ENG: variants seen among roughly 807,000 people sequenced by gnomAD.
The protein encoded by ENG is endoglin.
Under a neutral mutation model 71.0 loss-of-function variants are expected in ENG, and 17 were observed. The observed-to-expected ratio is 0.24, with a 90% CI of 0.16 to 0.36. The LOEUF (loss-of-function observed/expected upper bound fraction) is 0.36, where lower values mean the gene tolerates loss of function less well. Among genes scored for constraint, ENG ranks in the 10% least tolerant of loss-of-function variants. The pLI, the probability that ENG is intolerant of heterozygous loss-of-function variation, is 1.00. For synonymous variants in ENG, 360 were observed against 366.9 expected (o/e 0.98, Z 0.21); for missense variants, 749 against 868.3 (o/e 0.86, Z 1.73).
intron 1 of ENG, among the ~76,000 whole-genome samples, chr9:127,850,641 T>C (rs1456618310): frequency 6.6e-6 from 1 of 152,144 alleles, no homozygotes; most frequent in African/African-American, 2.4e-5. Flanking sequence ...CTGACCCTTC[T>C]CCAGCAAGTC....
In ENG at chr9:127,846,829, C is replaced by T; in HGVS notation, c.68-3584G>A. 4 of 982,202 alleles carry T rather than the reference C, an allele frequency of 4.1e-6. No homozygotes were observed. The highest frequency in any genetic ancestry group is 4.8e-6 in the Non-Finnish European group (4 of 826,966). 60.8% of individuals were successfully genotyped at this position (982,202 alleles called of 1,614,324 possible). The stretch of plus-strand genomic sequence containing the variant: ...GAGGAGCCGCTGGGGGCCTGGGTGA[C>T]TGGAACCCCAAGTGAGAGACCCAGA... On this transcript the variant is annotated intron_variant, in intron 1 of 14. Transcript: ENST00000373203. This position sits in a 1 kb window ranked among gnomAD's most constrained non-coding sequence, Gnocchi z 5.5.
chr9:127,815,416 C>T lies in ENG; in HGVS notation c.*266G>A, dbSNP rs764451017. ...ATGACAGGGACTTGGGTTTTTACAA[C>T]AGCGTGGCAAGTGGTCTGTCTCCTG... On this transcript the variant is annotated 3_prime_UTR_variant, in exon 15 of 15. Coordinates refer to ENST00000373203, the MANE Select transcript of ENG (RefSeq NM_001114753.3). 2.3e-4 allele frequency: 124 copies of T among 547,094 alleles called. 1 individual carries two copies. The highest frequency in any genetic ancestry group is 3.5e-4 in the Non-Finnish European group (113 of 321,414). 33.9% of individuals were successfully genotyped at this position (547,094 alleles called of 1,614,324 possible).
At chr9:127,842,164 C>G (rs1831049533) in intron 2 of ENG, among the ~76,000 whole-genome samples, 1 of 151,878 alleles carries the variant, frequency 6.6e-6, no homozygotes, top group South Asian at 2.1e-4. Context: ...AGATATTCAG[C>G]AGGGGACATT....
At position 127,815,681 on chromosome 9, in the gene ENG, G is replaced by A. The variant is rs775424125; in HGVS notation, c.*1C>T. ...TGCTGGGCGAGCGCGGGGGGCCGGG[G>A]CTATGCCATGCTGCTGGTGGAGCAG... On this transcript the variant is annotated 3_prime_UTR_variant, in exon 15 of 15. Transcript: ENST00000373203. 1 of 1,559,688 alleles carries A rather than the reference G, an allele frequency of 6.4e-7. No individual in the cohort carries two copies. Among genetic ancestry groups the A allele is most frequent in the Non-Finnish European group, 8.6e-7 (1 of 1,159,570 alleles).
At chr9:127,827,556 G>C (rs140970667) in intron 3 of ENG, among the ~76,000 whole-genome samples, 1,871 of 152,340 alleles carry the variant, frequency 0.012, 14 homozygotes, top group Non-Finnish European at 0.02. Context: ...CACTGACTGA[G>C]CTCTTAGTGT....
At chr9:127,826,480 G>C in intron 4 of ENG, 30 bp downstream of exon 4, 1 of 1,613,708 alleles carries the variant, frequency 6.2e-7, no homozygotes. Context: ...GCAGTATCAT[G>C]AGCCCAGAGA....
rs138541599 is a variant in ENG, at chr9:127,838,042, G to A, written c.219+5052C>T. 6.1e-3 allele frequency among the ~76,000 whole-genome samples: 933 copies of A among 152,222 alleles called. 3 individuals carry two copies. The highest frequency in any genetic ancestry group is 0.015 in the African/African-American group (626 of 41,526). The stretch of plus-strand genomic sequence containing the variant: ...TCACTGTGGTTCTGACAGCCAGCAA[G>A]GGTGCTCATGTGTCCACATGTGGAC... On this transcript the variant is annotated intron_variant, in intron 2 of 14. Coordinates refer to ENST00000373203, the MANE Select transcript of ENG (RefSeq NM_001114753.3). This position sits in a 1 kb window ranked among gnomAD's most constrained non-coding sequence, Gnocchi z 4.3.
rs1830376029 is a variant in ENG, at chr9:127,818,149, G to A, written c.1657C>T (p.Leu553=). 3 of 1,614,104 alleles carry A rather than the reference G, an allele frequency of 1.9e-6. No homozygotes were observed. Among genetic ancestry groups the A allele is most frequent in the Non-Finnish European group, 2.5e-6 (3 of 1,180,066 alleles). Residue 553 remains leucine, a synonymous_variant, in exon 12 of 15, where the codon CTG becomes TTG. Coordinates refer to ENST00000373203, the MANE Select transcript of ENG (RefSeq NM_001114753.3). ...KTGTLSCTVA[L]RPKTGSQDQE... is the part of the protein sequence containing the mutation. ...TCTTGAGACCCGGTCTTGGGACGCA[G>A]GGCTACCGTGCAGCTGAGGGTGCCG...
At chr9:127,848,761 C>T (rs919761339) in intron 1 of ENG, among the ~76,000 whole-genome samples, 2 of 152,156 alleles carry the variant, frequency 1.3e-5, no homozygotes, top group African/African-American at 2.4e-5. Context: ...GTGAGTTTTT[C>T]CAGGACAAGG....
chr9:127,824,343 G>C lies in ENG; in HGVS notation c.1095C>G (p.Asp365Glu), dbSNP rs142803546. ...TCTTTAGTACCAGGGTCATGGCGTC[G>C]TCGGCACACTTTGTCTGGATCAAGG... ...LMSLIQTKCA[D>E]DAMTLVLKKE... The change falls in exon 8 of 15, where the codon GAC becomes GAG. Residue 365 changes from aspartate (D) to glutamate (E), a missense_variant. Coordinates refer to ENST00000373203, the MANE Select transcript of ENG (RefSeq NM_001114753.3). 1.1e-5 allele frequency: 18 copies of C among 1,613,862 alleles called. No individual in the cohort carries two copies. Among genetic ancestry groups the C allele is most frequent in the Admixed American group, 1.7e-5 (1 of 59,976 alleles).
At chr9:127,825,173 C>A (rs1467540618) in intron 6 of ENG, 58 bp downstream of exon 6, 2 of 1,612,856 alleles carry the variant, frequency 1.2e-6, no homozygotes, top group Non-Finnish European at 1.7e-6. Context: ...CAGGAAACTT[C>A]CCTGATCCAG....
At chr9:127,821,880 T>TAAA (rs34166162) in intron 8 of ENG, among the ~76,000 whole-genome samples, 3 of 53,044 alleles carry the variant, frequency 5.7e-5, no homozygotes, top group African/African-American at 1.4e-4. Context: ...GAGACTGTCT[T>TAAA]AAAAAAAAAA....
intron 3 of ENG, 81 bp downstream of exon 3, chr9:127,829,606 G>A: frequency 6.3e-7 from 1 of 1,583,346 alleles, no homozygotes; most frequent in Admixed American, 1.7e-5. Context: ...GCTGGGGTGG[G>A]AGACCCTGAC....
At chr9:127,819,122 A>T (rs1830411203) in intron 10 of ENG, 4 of 382,464 alleles carry the variant, frequency 1.0e-5, no homozygotes, top group Non-Finnish European at 2.0e-5. Context: ...TATTTTTAGT[A>T]GATACGGGGT....
intron 1 of ENG, among the ~76,000 whole-genome samples, chr9:127,843,575 A>G (rs1300185972): frequency 1.3e-5 from 2 of 151,010 alleles, no homozygotes; most frequent in Admixed American, 6.6e-5. Context: ...GAACGTACTT[A>G]TACTAAATTT....
intron 2 of ENG, among the ~76,000 whole-genome samples, chr9:127,835,567 A>G (rs1161209456): frequency 6.6e-6 from 1 of 152,164 alleles, no homozygotes; most frequent in Non-Finnish European, 1.5e-5. Context: ...TCCCATGGTG[A>G]CACCCACAGG....
intron 13 of ENG, 98 bp downstream of exon 13, chr9:127,817,051 A>G: frequency 7.2e-7 from 1 of 1,398,444 alleles, no homozygotes; most frequent in Non-Finnish European, 1.0e-6. Flanking sequence ...CCCCCTTGCC[A>G]TGTGCTATGT....
At chr9:127,824,482 A>C in intron 7 of ENG, 36 bp from the exon 8 acceptor site, 1 of 1,576,942 alleles carries the variant, frequency 6.3e-7, no homozygotes, top group Non-Finnish European at 8.6e-7. Context: ...GCGGCTGGTC[A>C]CTGTGTGATC....
intron 2 of ENG, among the ~76,000 whole-genome samples, chr9:127,839,395 C>T (rs1026739548): frequency 5.9e-5 from 9 of 152,112 alleles, no homozygotes; most frequent in Non-Finnish European, 5.9e-5. Context: ...CCACAGGGTC[C>T]TCAGTGGTCA....
Sources: allele counts gnomAD v4.1 joint callset (sites outside exome capture counted in the v4.1 genomes callset), GRCh38; gene constraint gnomAD v4.1.1; non-coding constraint Gnocchi (gnomAD v3.1); transcripts MANE v1.5; gene names NCBI Gene and HGNC (gene_info 2026-07-23, HGNC 2026-07-21).